The following NR1D2 variants were observed in gnomAD, a reference collection of about 807,000 sequenced individuals.
NR1D2 encodes nuclear receptor subfamily 1 group D member 2.
In NR1D2, 25 loss-of-function variants were observed where a neutral mutation model predicts 52.2. The observed-to-expected ratio is 0.48, with a 90% CI of 0.35 to 0.67. The LOEUF (loss-of-function observed/expected upper bound fraction) is 0.67. Ranked by LOEUF, NR1D2 falls within the 30% of genes least tolerant of loss-of-function variation. The probability of loss-of-function intolerance (pLI) is 0.01; values close to 1 mark genes in which losing one functional copy is unlikely to be tolerated. For synonymous variants in NR1D2, 259 were observed against 230.1 expected, an observed-to-expected ratio of 1.13 and a Z score of -1.14; for missense variants, 681 against 707.2, an observed-to-expected ratio of 0.96 and a Z score of 0.42.
intron 6 of NR1D2, among the ~76,000 whole-genome samples, chr3:23,966,300 T>C (rs941251859): frequency 6.6e-6 from 1 of 152,254 alleles, no homozygotes; most frequent in African/African-American, 2.4e-5. Flanking sequence ...AACTAAGTAA[T>C]ATAATTGTTA....
chr3:23,962,281 C>T lies in NR1D2; in HGVS notation c.822C>T (p.Asn274=), dbSNP rs1391486315. 1 of 1,614,096 alleles carries T rather than the reference C, an allele frequency of 6.2e-7. No homozygotes were observed. The highest frequency in any genetic ancestry group is 1.3e-5 in the African/African-American group (1 of 74,938). The change falls in exon 5 of 8, where the codon AAC becomes AAT. Residue 274 remains asparagine (N), a synonymous_variant. Transcript: ENST00000312521. ...TGTATAATCAAGAGCAGCAAGAAAA[C>T]TCAGCTGAGAGCATGCAGCCCCAGA... The part of the protein sequence containing the change: ...TFMYNQEQQE[N]SAESMQPQRG...
rs1706184779 is a variant in NR1D2, at chr3:23,959,676, C to T, written c.378C>T (p.Phe126=). Residue 126 remains phenylalanine, a synonymous_variant, in exon 4 of 8, where the codon TTC becomes TTT. Transcript: ENST00000312521. ...AAATCTTCCTTTGTTCTTAGGGTTT[C>T]TTTCGGAGAAGTATTCAACAAAACA... ...GVHACEGCKG[F]FRRSIQQNIQ... The T allele has an allele frequency of 6.2e-7, 1 of 1,608,242 alleles. No individual in the cohort carries two copies. Among genetic ancestry groups the T allele is most frequent in the Non-Finnish European group, 8.5e-7 (1 of 1,178,360 alleles).
intron 4 of NR1D2, among the ~76,000 whole-genome samples, 172 bp from the exon 5 acceptor site, chr3:23,961,804 TC>T (rs1706254553): frequency 6.6e-6 from 1 of 152,166 alleles, no homozygotes; most frequent in African/African-American, 2.4e-5. Flanking sequence ...CTCTCCTACT[TC>T]CTTTGGTGCA....
At chr3:23,961,389 CTTT>C (rs869108010) in intron 4 of NR1D2, among the ~76,000 whole-genome samples, 3 of 75,984 alleles carry the variant, frequency 3.9e-5, no homozygotes, top group South Asian at 5.3e-4. Flanking sequence ...CTTTTTCTTT[CTTT>C]TTTTTTTTTT....
chr3:23,946,071 G>A, intron 1 of NR1D2: 2 of 981,960 alleles, frequency 2.0e-6, no homozygotes, highest in Non-Finnish European at 2.4e-6. Context: ...GCAGCCTCCC[G>A]GGAGGCTCCG....
chr3:23,946,722 C>G (rs986742064), intron 1 of NR1D2: 3 of 152,154 alleles, frequency 2.0e-5, no homozygotes, highest in Admixed American at 6.5e-5. Flanking sequence ...AAAAAATTAA[C>G]CTGTGGGTCG....
At chr3:23,949,163 C>G (rs919266291) in intron 1 of NR1D2, among the ~76,000 whole-genome samples, 1 of 152,086 alleles carries the variant, frequency 6.6e-6, no homozygotes, top group Non-Finnish European at 1.5e-5. Context: ...GTCAGGAGTT[C>G]GAGACCAGCC....
In NR1D2 at chr3:23,961,537, A is replaced by G. The variant is rs34931475; in HGVS notation, c.518-440A>G. On this transcript the variant is annotated intron_variant, in intron 4 of 7. Transcript: ENST00000312521. ...CAGTCTCCAGAATAGCTGGGACTAC[A>G]GGCGCCCGCCATCACACCTGGCTAG... 5.7e-3 allele frequency among the ~76,000 whole-genome samples: 861 copies of G among 151,426 alleles called. 5 individuals carry two copies. Among genetic ancestry groups the G allele is most frequent in the Non-Finnish European group, 9.2e-3 (621 of 67,826 alleles).
chr3:23,975,496 G>C (rs557966659), intron 7 of NR1D2, among the ~76,000 whole-genome samples: 1 of 152,242 alleles, frequency 6.6e-6, no homozygotes, highest in Non-Finnish European at 1.5e-5. Flanking sequence ...AACTGGCCAG[G>C]TGCAGTGGCT....
chr3:23,957,590 G>A (rs1706121297), intron 3 of NR1D2, among the ~76,000 whole-genome samples: 1 of 151,480 alleles, frequency 6.6e-6, no homozygotes, highest in African/African-American at 2.4e-5. Flanking sequence ...GGACGTAGTG[G>A]TGGGCGCCTG....
intron 7 of NR1D2, among the ~76,000 whole-genome samples, chr3:23,971,675 T>G (rs1410600091): frequency 6.8e-6 from 1 of 147,352 alleles, no homozygotes; most frequent in Non-Finnish European, 1.5e-5. Flanking sequence ...ATGGTTTTGT[T>G]GGTAATTTTA....
At chr3:23,946,107 A>T in intron 1 of NR1D2, 1 of 984,274 alleles carries the variant, frequency 1.0e-6, no homozygotes, top group South Asian at 4.7e-5. Flanking sequence ...CGGGGCAGTG[A>T]CGTCGCCGCG....
chr3:23,959,939 A>AT (rs1559333353), intron 4 of NR1D2, 124 bp downstream of exon 4: 5 of 832,222 alleles, frequency 6.0e-6, no homozygotes, highest in Non-Finnish European at 3.6e-6. Context: ...AGCAGAAAAC[A>AT]TATTTTCATG....
At chr3:23,958,157 G>A (rs1706135451) in intron 3 of NR1D2, among the ~76,000 whole-genome samples, 1 of 152,214 alleles carries the variant, frequency 6.6e-6, no homozygotes, top group South Asian at 2.1e-4. Flanking sequence ...TCCTTGGATA[G>A]TTAGCTACTC....
chr3:23,977,156 TTTA>T, intron 7 of NR1D2, 64 bp from the exon 8 acceptor site: 1 of 919,682 alleles, frequency 1.1e-6, no homozygotes, highest in Non-Finnish European at 1.5e-6. Context: ...AAGCAAGAAT[TTTA>T]TTTATATTTA....
At chr3:23,946,679 A>C (rs1223140349) in intron 1 of NR1D2, 1 of 152,224 alleles carries the variant, frequency 6.6e-6, no homozygotes, top group African/African-American at 2.4e-5. Flanking sequence ...CCAACACCAT[A>C]TGTAAGACTG....
rs1706765258 is a variant in NR1D2 at position 23,977,548 on chromosome 3, C to G, written c.*129C>G. Reference sequence around the variant, plus strand: ...GACAATAAAAGATTGTAGGCTATCTCTGTAATCATGCAATAGCTGTTCGGA... The same window carrying G: ...GACAATAAAAGATTGTAGGCTATCTGTGTAATCATGCAATAGCTGTTCGGA... On this transcript the variant is annotated 3_prime_UTR_variant, in exon 8 of 8. Coordinates refer to ENST00000312521, the MANE Select transcript of NR1D2 (RefSeq NM_005126.5). The G allele has an allele frequency of 1.8e-6, 1 of 556,678 alleles. No individual in the cohort carries two copies. The highest frequency in any genetic ancestry group is 1.9e-5 in the African/African-American group (1 of 52,376). The allele number at this position is 556,678 out of a possible 1,614,324, so 34.5% of individuals were successfully genotyped here.
chr3:23,976,252 A>T (rs906965850), intron 7 of NR1D2, among the ~76,000 whole-genome samples: 1 of 152,266 alleles, frequency 6.6e-6, no homozygotes, highest in African/African-American at 2.4e-5. Context: ...TGCATAGTGT[A>T]TTAGTTACCT....
intron 6 of NR1D2, 133 bp from the exon 7 acceptor site, chr3:23,967,680 A>T: frequency 1.5e-6 from 1 of 650,710 alleles, no homozygotes; most frequent in Non-Finnish European, 2.6e-6. Flanking sequence ...TTTGAGTAAA[A>T]GTATACCCTG....
Sources: gnomAD v4.1 joint callset for allele counts (sites outside exome capture counted in the v4.1 genomes callset) on GRCh38, gnomAD v4.1.1 for gene constraint, MANE v1.5 for transcripts, NCBI Gene and HGNC (gene_info 2026-07-23, HGNC 2026-07-21) for gene names.